Variants in ROBO2 observed in about 807,000 individuals in gnomAD.
The protein encoded by ROBO2 is roundabout guidance receptor 2.
ROBO2 carries 53 observed loss-of-function variants against 160.8 expected under a neutral mutation model. That is an observed-to-expected ratio of 0.33 (90% CI 0.26 to 0.41). ROBO2 has a LOEUF of 0.41. Ranked by LOEUF, ROBO2 falls within the 10% of genes least tolerant of loss-of-function variation. ROBO2 has a pLI of 1.00. For synonymous variants in ROBO2, 664 were observed against 611.7 expected, an observed-to-expected ratio of 1.09 and a Z score of -1.26; for missense variants, 1,577 against 1,722.4, an observed-to-expected ratio of 0.92 and a Z score of 1.49.
intron 2 of ROBO2, among the ~76,000 whole-genome samples, chr3:76,755,952 T>G (rs2060946448): frequency 6.6e-6 from 1 of 151,834 alleles, no homozygotes; most frequent in South Asian, 2.1e-4. Context: ...CCTAATGGTA[T>G]GAGAAGTAAA....
At chr3:77,590,638 G>A (rs1333591649) in intron 17 of ROBO2, among the ~76,000 whole-genome samples, 2 of 152,014 alleles carry the variant, frequency 1.3e-5, no homozygotes, top group Non-Finnish European at 2.9e-5. Context: ...TGACTGTGCT[G>A]GTCAGTTCGG....
At chr3:77,212,625 G>A (rs1378610619) in intron 2 of ROBO2, among the ~76,000 whole-genome samples, 1 of 152,162 alleles carries the variant, frequency 6.6e-6, no homozygotes. Context: ...GAATAGGAGT[G>A]GTGAGAGAGG....
At chr3:77,069,776 G>A (rs961609799) in intron 1 of ROBO2, among the ~76,000 whole-genome samples, 1 of 152,136 alleles carries the variant, frequency 6.6e-6, no homozygotes, top group Non-Finnish European at 1.5e-5. Context: ...GAGTCCTTGA[G>A]GGGGAGAGAC....
intron 20 of ROBO2, chr3:77,603,130 T>C (rs1189510281): frequency 2.2e-6 from 1 of 453,666 alleles, no homozygotes; most frequent in Non-Finnish European, 4.4e-6. Flanking sequence ...CTAACAACCA[T>C]GAAGATATAC....
At chr3:77,287,374 C>T (rs1171944666) in intron 2 of ROBO2, among the ~76,000 whole-genome samples, 1 of 152,184 alleles carries the variant, frequency 6.6e-6, no homozygotes, top group South Asian at 2.1e-4. Flanking sequence ...TCTTATTCCT[C>T]GAAACTTATA....
intron 2 of ROBO2, among the ~76,000 whole-genome samples, chr3:76,505,331 C>A (rs527357299): frequency 3.3e-5 from 5 of 151,420 alleles, no homozygotes; most frequent in Non-Finnish European, 7.4e-5. Context: ...GCTTCCTTGG[C>A]CACACTAACC....
chr3:77,041,309 A>G (rs2064068454), intron 1 of ROBO2, among the ~76,000 whole-genome samples: 1 of 152,214 alleles, frequency 6.6e-6, no homozygotes, highest in South Asian at 2.1e-4. Context: ...ATCAATGTGT[A>G]TCACCTGTGT....
At chr3:75,984,148 G>A (rs997575475) in intron 2 of ROBO2, among the ~76,000 whole-genome samples, 6 of 151,392 alleles carry the variant, frequency 4.0e-5, no homozygotes, top group South Asian at 2.1e-4. Flanking sequence ...TACTCAACAG[G>A]TCCAATGTGT....
intron 2 of ROBO2, among the ~76,000 whole-genome samples, chr3:76,110,559 G>C (rs1439280254): frequency 1.3e-5 from 2 of 152,084 alleles, no homozygotes; most frequent in African/African-American, 2.4e-5. Flanking sequence ...TGATGTTTTA[G>C]AGTTAAAGGT....
At chr3:76,373,730 C>A (rs771708670) in intron 2 of ROBO2, among the ~76,000 whole-genome samples, 9 of 151,916 alleles carry the variant, frequency 5.9e-5, no homozygotes, top group Non-Finnish European at 1.2e-4. Context: ...TGACATGTAA[C>A]AAACCACCCA....
chr3:77,252,108 T>A (rs1296139730), intron 2 of ROBO2, among the ~76,000 whole-genome samples: 1 of 152,204 alleles, frequency 6.6e-6, no homozygotes, highest in Non-Finnish European at 1.5e-5. Flanking sequence ...CTTAGATATT[T>A]CCTCAGCCAG....
chr3:76,803,038 AT>A, intron 2 of ROBO2, among the ~76,000 whole-genome samples: 1 of 152,302 alleles, frequency 6.6e-6, no homozygotes, highest in East Asian at 1.9e-4. Context: ...TTTTGATCTC[AT>A]TACATTAATA....
intron 2 of ROBO2, among the ~76,000 whole-genome samples, chr3:76,604,524 A>C (rs753502181): frequency 2.6e-5 from 4 of 152,112 alleles, no homozygotes; most frequent in African/African-American, 7.2e-5. Flanking sequence ...ACTCAATGAA[A>C]CTTTTATTTT....
At chr3:76,001,010 A>G (rs2065871418) in intron 2 of ROBO2, among the ~76,000 whole-genome samples, 2 of 151,426 alleles carry the variant, frequency 1.3e-5, no homozygotes, top group South Asian at 4.2e-4. Context: ...TTATTTTTTC[A>G]TTTGTTTTCT....
chr3:75,919,313 G>C (rs1030238044), intron 1 of ROBO2, among the ~76,000 whole-genome samples: 1 of 152,072 alleles, frequency 6.6e-6, no homozygotes, highest in Non-Finnish European at 1.5e-5. Context: ...TTTTGTCATT[G>C]GTTCTGTTTA....
chr3:76,370,718 A>G (rs1304080591), intron 2 of ROBO2, among the ~76,000 whole-genome samples: 1 of 151,956 alleles, frequency 6.6e-6, no homozygotes, highest in Non-Finnish European at 1.5e-5. Context: ...AAATAATTGC[A>G]CCAAAGGCAT....
chr3:76,888,931 A>G (rs958561108), intron 2 of ROBO2, among the ~76,000 whole-genome samples: 4 of 152,178 alleles, frequency 2.6e-5, no homozygotes, highest in Admixed American at 6.5e-5. Flanking sequence ...ACTAAAGCCA[A>G]TTTTTCCTGG....
intron 13 of ROBO2, among the ~76,000 whole-genome samples, chr3:77,571,601 C>T (rs892500078): frequency 1.3e-5 from 2 of 151,970 alleles, no homozygotes; most frequent in African/African-American, 4.8e-5. Flanking sequence ...TTTTATTTTT[C>T]CTTAAGACAA....
At chr3:77,126,566 G>T (rs1435643983) in intron 2 of ROBO2, among the ~76,000 whole-genome samples, 2 of 152,026 alleles carry the variant, frequency 1.3e-5, no homozygotes, top group Non-Finnish European at 2.9e-5. Context: ...ACCAGTTCAT[G>T]ATAAATTATT....
Sources: allele counts gnomAD v4.1 joint callset (sites outside exome capture counted in the v4.1 genomes callset), GRCh38; gene constraint gnomAD v4.1.1; transcripts MANE v1.5; gene names NCBI Gene and HGNC (gene_info 2026-07-23, HGNC 2026-07-21).